Variants in SLC25A1 observed in about 807,000 individuals in gnomAD.
SLC25A1 encodes solute carrier family 25 member 1, also known as tricarboxylate transport protein, mitochondrial.
Under a neutral mutation model 38.1 loss-of-function variants are expected in SLC25A1, and 26 were observed. That is an observed-to-expected ratio of 0.68 (90% CI 0.50 to 0.95). The LOEUF (loss-of-function observed/expected upper bound fraction) is 0.95. Among genes scored for constraint, SLC25A1 ranks in the 40% least tolerant of loss-of-function variants. The probability of loss-of-function intolerance (pLI) is 0.00; values close to 1 mark genes in which losing one functional copy is unlikely to be tolerated. For synonymous variants in SLC25A1, 211 were observed against 183.2 expected (o/e 1.15, Z -1.23); for missense variants, 378 against 426.6 (o/e 0.89, Z 1.00).
In SLC25A1 at chr22:19,177,182, G is replaced by C; in HGVS notation, c.464C>G (p.Thr155Ser). Residue 155 changes from threonine to serine, a missense_variant, in exon 5 of 9, where the codon ACC becomes AGC. Physicochemically the swap from Thr to Ser is moderately conservative, Grantham distance 58. Transcript: ENST00000215882. ...TIKVKFIHDQTSPNPKYRGFF... is the reference protein window; with the variant it reads ...TIKVKFIHDQSSPNPKYRGFF... ...TCCTCTGTACTTGGGGTTTGGGGAGGTCTGGTCGTGGATGAACTTCACCTG... is the reference window on the plus strand; with the variant it reads ...TCCTCTGTACTTGGGGTTTGGGGAGCTCTGGTCGTGGATGAACTTCACCTG... 6.2e-7 allele frequency: 1 copy of C among 1,614,026 alleles called. No individual in the cohort carries two copies. The highest frequency in any genetic ancestry group is 1.1e-5 in the South Asian group (1 of 91,088).
In SLC25A1 at chr22:19,176,465, C is replaced by T. The variant is rs201011707; in HGVS notation, c.777G>A (p.Thr259=). 15 of 1,613,784 alleles carry T rather than the reference C, an allele frequency of 9.3e-6. 1 individual carries two copies. Among genetic ancestry groups the T allele is most frequent in the South Asian group, 5.5e-5 (5 of 91,088 alleles). The change falls in exon 8 of 9, where the codon ACG becomes ACA. Residue 259 remains threonine (T), a synonymous_variant. Transcript: ENST00000215882. The part of the protein sequence containing the change: ...QGLEAHKYRN[T]WDCGLQILKK... Reference sequence around the variant, plus strand: ...TCAGGATCTGCAAGCCGCAGTCCCACGTGTTCCGGTATTTGTGCGCCTCCA... The same window carrying T: ...TCAGGATCTGCAAGCCGCAGTCCCATGTGTTCCGGTATTTGTGCGCCTCCA...
Position 19,177,710 on chromosome 22 carries a change from G to T in SLC25A1, c.441+17C>A. 6.2e-7 allele frequency: 1 copy of T among 1,604,890 alleles called. No individual in the cohort carries two copies. On this transcript the variant is annotated intron_variant, in intron 4 of 8. Transcript: ENST00000215882. ...TACTCCCTGCGTGTCCGGGGTCCTC[G>T]CCAGGACCTTCCCCACCTTGATGGT... is the stretch of plus-strand genomic sequence containing the variant.
In SLC25A1 at chr22:19,176,086, ACT is replaced by A. The variant is rs2083954980; in HGVS notation, c.*42_*43del. The A allele has an allele frequency of 2.7e-6, 4 of 1,497,210 alleles. No homozygotes were observed. Among genetic ancestry groups the A allele is most frequent in the Non-Finnish European group, 2.8e-6 (3 of 1,074,848 alleles). 92.7% of individuals were successfully genotyped at this position (1,497,210 alleles called of 1,614,324 possible). A position where few individuals can be genotyped will look rare whatever the true frequency, so the allele number is the denominator to read the frequency against. On this transcript the variant is annotated 3_prime_UTR_variant, in exon 9 of 9. Transcript: ENST00000215882. ...AATCGTGAGACAAAGGTAGCAGGAC[ACT>A]CTGGCGGTGCCTGGGGCGGTCCCCT...
At position 19,177,932 on chromosome 22, in the gene SLC25A1, C is replaced by T. The variant is rs1555923087; in HGVS notation, c.302+10G>A. On this transcript the variant is annotated intron_variant, in intron 3 of 8. Transcript: ENST00000215882. ...CCCCCCTCCCGCAGCAGCCACCGGCCGGGCCTCACCTGACGGCCGCCTTGG... is the reference window on the plus strand; with the variant it reads ...CCCCCCTCCCGCAGCAGCCACCGGCTGGGCCTCACCTGACGGCCGCCTTGG... 1 of 1,592,062 alleles carries T rather than the reference C, an allele frequency of 6.3e-7. No individual in the cohort carries two copies. Among genetic ancestry groups the T allele is most frequent in the Non-Finnish European group, 8.5e-7 (1 of 1,171,470 alleles).
At position 19,176,498 on chromosome 22, in the gene SLC25A1, T is replaced by C. The variant is rs782789596; in HGVS notation, c.748-4A>G. The stretch of plus-strand genomic sequence containing the variant: ...GGTATTTGTGCGCCTCCAGGCCCTA[T>C]GGGGGACATCAGCAGGCAGGGGCTC... On this transcript the variant is annotated splice_polypyrimidine_tract_variant and splice_region_variant and intron_variant, in intron 7 of 8. Coordinates refer to ENST00000215882, the MANE Select transcript of SLC25A1 (RefSeq NM_005984.5). 9 of 1,613,786 alleles carry C rather than the reference T, an allele frequency of 5.6e-6. No individual in the cohort carries two copies. Among genetic ancestry groups the C allele is most frequent in the South Asian group, 3.3e-5 (3 of 91,092 alleles).
At position 19,178,321 on chromosome 22, in the gene SLC25A1, C is replaced by A; in HGVS notation, c.95-81G>T. ...CCCCTCCCCCGTCCCGGACTTCGGT[C>A]GGCGCGGCCGCCGCGCCAGTGCCGC... is the stretch of plus-strand genomic sequence containing the variant. On this transcript the variant is annotated intron_variant, in intron 1 of 8. Coordinates refer to ENST00000215882, the MANE Select transcript of SLC25A1 (RefSeq NM_005984.5). The surrounding 1 kb of genome is among the most constrained non-coding windows in gnomAD (Gnocchi z 4.9). 2.0e-6 allele frequency: 3 copies of A among 1,522,862 alleles called. No individual in the cohort carries two copies. Among genetic ancestry groups the A allele is most frequent in the South Asian group, 1.2e-5 (1 of 81,102 alleles). 94.3% of individuals were successfully genotyped at this position (1,522,862 alleles called of 1,614,324 possible). A position where few individuals can be genotyped will look rare whatever the true frequency, so the allele number is the denominator to read the frequency against.
At chr22:19,177,006 T>C (rs2083972067) in intron 5 of SLC25A1, 56 bp from the exon 6 acceptor site, 2 of 1,597,918 alleles carry the variant, frequency 1.3e-6, no homozygotes, top group South Asian at 2.2e-5. Flanking sequence ...CGGTTGGGAA[T>C]TGGTGTGTGT....
chr22:19,178,150 G>C lies in SLC25A1; in HGVS notation c.185C>G (p.Pro62Arg). 1 of 1,546,040 alleles carries C rather than the reference G, an allele frequency of 6.5e-7. No homozygotes were observed. Among genetic ancestry groups the C allele is most frequent in the Non-Finnish European group, 8.7e-7 (1 of 1,145,680 alleles). Residue 62 changes from proline (P) to arginine (R), a missense_variant, in exon 2 of 9, where the codon CCG becomes CGG. Transcript: ENST00000215882. This position sits in a 1 kb window ranked among gnomAD's most constrained non-coding sequence, Gnocchi z 4.9. ...QLQLDERSHP[P>R]RYRGIGDCVR... is the part of the protein sequence containing the mutation. Reference sequence around the variant, plus strand: ...CTCCTCACCGATGCCCCGGTACCGCGGCGGGTGCGAGCGCTCGTCCAGCTG... The same window carrying C: ...CTCCTCACCGATGCCCCGGTACCGCCGCGGGTGCGAGCGCTCGTCCAGCTG...
Position 19,178,557 on chromosome 22 carries a change from G to T in SLC25A1, c.94+23C>A. The T allele has an allele frequency of 8.0e-7, 1 of 1,247,468 alleles. No homozygotes were observed. The highest frequency in any genetic ancestry group is 3.2e-5 in the South Asian group (1 of 31,098). 77.3% of individuals were successfully genotyped at this position (1,247,468 alleles called of 1,614,324 possible). On this transcript the variant is annotated intron_variant, in intron 1 of 8. Transcript: ENST00000215882. This position sits in a 1 kb window ranked among gnomAD's most constrained non-coding sequence, Gnocchi z 4.9. ...CACCCAGAAGCGCGGCGGGAGAGGG[G>T]TCCGCGTCCCGGAGGGGCCCACCTG...
chr22:19,176,533 C>T (rs2146142475), intron 7 of SLC25A1, 39 bp from the exon 8 acceptor site: 1 of 1,612,776 alleles, frequency 6.2e-7, no homozygotes, highest in East Asian at 2.2e-5. Flanking sequence ...CAGCAGCTAG[C>T]TCTGGCCTGG....
At position 19,176,412 on chromosome 22, in the gene SLC25A1, C is replaced by G. The variant is rs1555922276; in HGVS notation, c.821+9G>C. 1 of 1,613,232 alleles carries G rather than the reference C, an allele frequency of 6.2e-7. No homozygotes were observed. The highest frequency in any genetic ancestry group is 8.5e-7 in the Non-Finnish European group (1 of 1,179,702). ...GTGGGGACAATAGCCCTGCCCCTCCCCCACTCACGCCTTGAGCCCCTCCTT... is the reference window on the plus strand; with the variant it reads ...GTGGGGACAATAGCCCTGCCCCTCCGCCACTCACGCCTTGAGCCCCTCCTT... On this transcript the variant is annotated intron_variant, in intron 8 of 8. Coordinates refer to ENST00000215882, the MANE Select transcript of SLC25A1 (RefSeq NM_005984.5).
rs949403989 is a variant in SLC25A1, at chr22:19,177,109, G to A, written c.526+11C>T. On this transcript the variant is annotated intron_variant, in intron 5 of 8. Transcript: ENST00000215882. ...GTCCCTGAGCCCTATCAGGAAGGTCGAGTGGCTCACCTTGTTCCCGCACAA... is the reference window on the plus strand; with the variant it reads ...GTCCCTGAGCCCTATCAGGAAGGTCAAGTGGCTCACCTTGTTCCCGCACAA... 14 of 1,613,274 alleles carry A rather than the reference G, an allele frequency of 8.7e-6. No homozygotes were observed. Among genetic ancestry groups the A allele is most frequent in the Non-Finnish European group, 1.1e-5 (13 of 1,179,280 alleles).
rs2084013577 is a variant in SLC25A1, at chr22:19,178,658, C to T, written c.16G>A (p.Ala6Thr). 2.6e-6 allele frequency: 3 copies of T among 1,160,732 alleles called. No homozygotes were observed. Among genetic ancestry groups the T allele is most frequent in the South Asian group, 8.4e-5 (2 of 23,718 alleles). 71.9% of individuals were successfully genotyped at this position (1,160,732 alleles called of 1,614,324 possible). The change falls in exon 1 of 9, where the codon GCC becomes ACC. Residue 6 changes from alanine (A) to threonine (T), a missense_variant. Ala to Thr is a moderately conservative substitution (Grantham distance 58, BLOSUM62 0). Transcript: ENST00000215882. This position sits in a 1 kb window ranked among gnomAD's most constrained non-coding sequence, Gnocchi z 4.9. Reference protein sequence around the residue: MPAPRAPRALAAAAPA... With the variant: MPAPRTPRALAAAAPA... ...GCGGCGGCCGCCAGAGCGCGCGGGG[C>T]GCGGGGCGCGGGCATGGCGGGCGGG...
chr22:19,175,950 T>C lies in SLC25A1; in HGVS notation c.*180A>G. On this transcript the variant is annotated 3_prime_UTR_variant, in exon 9 of 9. Transcript: ENST00000215882. Reference sequence around the variant, plus strand: ...GCCAGACACTGGGACACAGTGGTGGTGTCACACACAGACCACAGGGGGGAC... The same window carrying C: ...GCCAGACACTGGGACACAGTGGTGGCGTCACACACAGACCACAGGGGGGAC... 1 of 356,876 alleles carries C rather than the reference T, an allele frequency of 2.8e-6. No individual in the cohort carries two copies. The highest frequency in any genetic ancestry group is 4.7e-6 in the Non-Finnish European group (1 of 211,712). 22.1% of individuals were successfully genotyped at this position (356,876 alleles called of 1,614,324 possible).
Position 19,177,691 on chromosome 22 carries a change from C to G in SLC25A1, c.441+36G>C, listed in dbSNP as rs374888839. ...GCGGGGCCGCCCGTCTCCGTACTCCCTGCGTGTCCGGGGTCCTCGCCAGGA... is the reference window on the plus strand; with the variant it reads ...GCGGGGCCGCCCGTCTCCGTACTCCGTGCGTGTCCGGGGTCCTCGCCAGGA... On this transcript the variant is annotated intron_variant, in intron 4 of 8. Coordinates refer to ENST00000215882, the MANE Select transcript of SLC25A1 (RefSeq NM_005984.5). 57 of 1,601,982 alleles carry G rather than the reference C, an allele frequency of 3.6e-5. No homozygotes were observed. The South Asian group carries it at 5.9e-4, about 17-fold the overall frequency.
chr22:19,178,242 T>C lies in SLC25A1; in HGVS notation c.95-2A>G. ...TCTCGATGCCACCCGCCAGGCCGCC[T>C]GCAGGGACCGGGAACCCGCTCCTGA... On this transcript the variant is annotated splice_acceptor_variant, in intron 1 of 8. Coordinates refer to ENST00000215882, the MANE Select transcript of SLC25A1 (RefSeq NM_005984.5). LOFTEE classifies it high-confidence loss of function. This position sits in a 1 kb window ranked among gnomAD's most constrained non-coding sequence, Gnocchi z 4.9. 1 of 1,546,078 alleles carries C rather than the reference T, an allele frequency of 6.5e-7. No individual in the cohort carries two copies. Among genetic ancestry groups the C allele is most frequent in the Non-Finnish European group, 8.7e-7 (1 of 1,145,418 alleles).
intron 6 of SLC25A1, 40 bp from the exon 7 acceptor site, chr22:19,176,733 G>A: frequency 6.3e-7 from 1 of 1,596,658 alleles, no homozygotes; most frequent in Non-Finnish European, 8.6e-7. Context: ...AGGGTGCCGG[G>A]AGGGGCCTGG....
Position 19,175,970 on chromosome 22 carries a change from G to A in SLC25A1, c.*160C>T, listed in dbSNP as rs1208819862. On this transcript the variant is annotated 3_prime_UTR_variant, in exon 9 of 9. Coordinates refer to ENST00000215882, the MANE Select transcript of SLC25A1 (RefSeq NM_005984.5). ...GGTGGTGTCACACACAGACCACAGG[G>A]GGGACACATGGATTTGACAGCCACA... 10 of 652,486 alleles carry A rather than the reference G, an allele frequency of 1.5e-5. No homozygotes were observed. In the Admixed American group the frequency reaches 2.1e-4, roughly 14 times the overall value. 40.4% of individuals were successfully genotyped at this position (652,486 alleles called of 1,614,324 possible).
Position 19,177,176 on chromosome 22 carries a change from G to C in SLC25A1, c.470C>G (p.Pro157Arg). 3 of 1,614,012 alleles carry C rather than the reference G, an allele frequency of 1.9e-6. No individual in the cohort carries two copies. The highest frequency in any genetic ancestry group is 2.5e-6 in the Non-Finnish European group (3 of 1,179,928). The change falls in exon 5 of 9, where the codon CCA (proline) becomes CGA (arginine). Residue 157 changes from proline (P) to arginine (R), a missense_variant. Transcript: ENST00000215882. The stretch of plus-strand genomic sequence containing the variant: ...GAAGAATCCTCTGTACTTGGGGTTT[G>C]GGGAGGTCTGGTCGTGGATGAACTT... The part of the protein sequence containing the change: ...KVKFIHDQTS[P>R]NPKYRGFFHG...
Sources: gnomAD v4.1 joint callset for allele counts on GRCh38, gnomAD v4.1.1 for gene constraint, Gnocchi (gnomAD v3.1) non-coding constraint, MANE v1.5 for transcripts, NCBI Gene and HGNC (gene_info 2026-07-23, HGNC 2026-07-21) for gene names.